MARCHF1: variants seen among roughly 807,000 people sequenced by gnomAD.
MARCHF1 encodes E3 ubiquitin-protein ligase MARCHF1.
A neutral mutation model predicts 54.2 loss-of-function variants in MARCHF1; 40 were observed. That is an observed-to-expected ratio of 0.74 (90% CI 0.57 to 0.96). The LOEUF is 0.96. Among genes scored for constraint, MARCHF1 ranks in the 40% least tolerant of loss-of-function variants. MARCHF1 has a pLI of 0.00. For missense variants in MARCHF1, 586 were observed against 656.5 expected, an observed-to-expected ratio of 0.89 and a Z score of 1.17; for synonymous variants, 236 against 236.3, an observed-to-expected ratio of 1.00 and a Z score of 0.01.
chr4:164,309,413 C>G (rs1236846612), intron 1 of MARCHF1, among the ~76,000 whole-genome samples: 1 of 152,112 alleles, frequency 6.6e-6, no homozygotes, highest in Non-Finnish European at 1.5e-5. Context: ...CTGTGAATCC[C>G]TCCAGAGTTG....
rs375346651 is a variant in MARCHF1, at chr4:163,983,525, C to T, written c.-39+4976G>A. Among the ~76,000 whole-genome samples the T allele has an allele frequency of 5.3e-5, 8 of 152,140 alleles. No individual in the cohort carries two copies. In the East Asian group the frequency reaches 7.7e-4, roughly 15 times the overall value. On this transcript the variant is annotated intron_variant, in intron 3 of 9. Coordinates refer to ENST00000514618, the MANE Select transcript of MARCHF1 (RefSeq NM_001394959.1). ...GGCAGACACTGTAACAAAAAGAAAA[C>T]AAAACTCCCCCCACTTAGAGGTTAG...
At chr4:163,550,253 G>T (rs1579053594) in intron 8 of MARCHF1, among the ~76,000 whole-genome samples, 2 of 136,314 alleles carry the variant, frequency 1.5e-5, no homozygotes, top group East Asian at 4.3e-4. Flanking sequence ...CTGCACTCCA[G>T]CCTCGGCGAC....
chr4:163,715,570 G>A (rs1307694305), intron 4 of MARCHF1, among the ~76,000 whole-genome samples: 1 of 152,066 alleles, frequency 6.6e-6, no homozygotes, highest in Non-Finnish European at 1.5e-5. Flanking sequence ...TTTATAAAGT[G>A]TTTCTAAGAT....
At chr4:163,962,993 A>G (rs1391596189) in intron 3 of MARCHF1, among the ~76,000 whole-genome samples, 1 of 151,866 alleles carries the variant, frequency 6.6e-6, no homozygotes, top group Admixed American at 6.6e-5. Context: ...TCCACTCAAC[A>G]GGTTTTTCTA....
chr4:164,119,253 A>C (rs1021105141), intron 1 of MARCHF1, among the ~76,000 whole-genome samples: 3 of 151,650 alleles, frequency 2.0e-5, no homozygotes, highest in Non-Finnish European at 4.4e-5. Flanking sequence ...TCTTTTGTAC[A>C]ATTCTAGATT....
intron 1 of MARCHF1, chr4:164,188,945 A>G (rs1475365010): frequency 1.3e-6 from 1 of 751,936 alleles, no homozygotes; most frequent in Non-Finnish European, 2.5e-6. Context: ...TATTGGAACT[A>G]TTGCTGAGCT....
At chr4:163,962,263 C>T (rs1560838021) in intron 3 of MARCHF1, among the ~76,000 whole-genome samples, 1 of 151,830 alleles carries the variant, frequency 6.6e-6, no homozygotes, top group Admixed American at 6.6e-5. Flanking sequence ...AAAGTGCAAG[C>T]TGACATCATT....
intron 5 of MARCHF1, among the ~76,000 whole-genome samples, chr4:163,639,442 T>C (rs1286303229): frequency 6.6e-6 from 1 of 152,186 alleles, no homozygotes; most frequent in Non-Finnish European, 1.5e-5. Context: ...ATGTTCAACA[T>C]GATTTTTATA....
intron 1 of MARCHF1, among the ~76,000 whole-genome samples, chr4:164,152,781 T>C (rs1409530178): frequency 1.7e-4 from 26 of 152,166 alleles, no homozygotes; most frequent in Admixed American, 1.6e-3. Flanking sequence ...ATCCTTTATG[T>C]TTACCCTGAA....
At chr4:163,986,243 C>A (rs958827162) in intron 3 of MARCHF1, among the ~76,000 whole-genome samples, 16 of 48,102 alleles carry the variant, frequency 3.3e-4, no homozygotes, top group African/African-American at 8.9e-4. Context: ...TCCTAATTAA[C>A]CTCTTCTTTT....
intron 1 of MARCHF1, among the ~76,000 whole-genome samples, chr4:164,181,699 G>A (rs895695285): frequency 1.3e-5 from 2 of 152,190 alleles, no homozygotes; most frequent in Non-Finnish European, 2.9e-5. Flanking sequence ...TGTGATAAGC[G>A]CTGCTTAGAA....
At chr4:163,563,508 T>C (rs1245774778) in intron 8 of MARCHF1, among the ~76,000 whole-genome samples, 2 of 152,210 alleles carry the variant, frequency 1.3e-5, no homozygotes, top group Non-Finnish European at 2.9e-5. Flanking sequence ...CATTTTCTAA[T>C]ACACCCAGGC....
chr4:163,692,983 T>C (rs1472802821), intron 5 of MARCHF1, among the ~76,000 whole-genome samples: 1 of 151,584 alleles, frequency 6.6e-6, no homozygotes, highest in Non-Finnish European at 1.5e-5. Context: ...AAGCAGTTTG[T>C]ATTCATCTGG....
intron 2 of MARCHF1, among the ~76,000 whole-genome samples, chr4:164,004,709 C>CG (rs1753252507): frequency 6.6e-6 from 1 of 151,930 alleles, no homozygotes; most frequent in Non-Finnish European, 1.5e-5. Flanking sequence ...ATCACCCCCC[C>CG]CAACTGGAAG....
intron 4 of MARCHF1, among the ~76,000 whole-genome samples, chr4:163,726,450 CT>C (rs1162461420): frequency 6.6e-6 from 1 of 152,116 alleles, no homozygotes; most frequent in African/African-American, 2.4e-5. Context: ...CTCACCAGAT[CT>C]TTTTTTAGGT....
At chr4:164,106,102 G>C (rs57796252) in intron 2 of MARCHF1, among the ~76,000 whole-genome samples, 1 of 150,806 alleles carries the variant, frequency 6.6e-6, no homozygotes, top group Admixed American at 6.6e-5. Context: ...CGATCATTAA[G>C]AAGTCAGGAA....
intron 8 of MARCHF1, among the ~76,000 whole-genome samples, chr4:163,580,537 A>G (rs556401728): frequency 5.3e-5 from 8 of 152,336 alleles, no homozygotes; most frequent in Non-Finnish European, 8.8e-5. Flanking sequence ...ACAAACCCAG[A>G]TAGAAAGGCT....
intron 1 of MARCHF1, chr4:164,135,573 G>C (rs931373123): frequency 6.6e-6 from 1 of 152,080 alleles, no homozygotes; most frequent in Non-Finnish European, 1.5e-5. Flanking sequence ...ACCAGATCTC[G>C]TGAGAACTCA....
intron 2 of MARCHF1, among the ~76,000 whole-genome samples, chr4:164,000,166 G>A (rs760050700): frequency 1.3e-5 from 2 of 151,628 alleles, no homozygotes; most frequent in Non-Finnish European, 3.0e-5. Context: ...GCTATCATAA[G>A]TTTCTATACT....
Sources: gnomAD v4.1 joint callset for allele counts (sites outside exome capture counted in the v4.1 genomes callset) on GRCh38, gnomAD v4.1.1 for gene constraint, MANE v1.5 for transcripts, NCBI Gene and HGNC (gene_info 2026-07-23, HGNC 2026-07-21) for gene names.